The following ZC3H12D variants were observed in gnomAD, a reference collection of about 807,000 sequenced individuals.
ZC3H12D encodes zinc finger CCCH-type containing 12D.
In ZC3H12D, 11 loss-of-function variants were observed where a neutral mutation model predicts 24.2. That is an observed-to-expected ratio of 0.46 (90% CI 0.29 to 0.75). The LOEUF is 0.75. ZC3H12D is among the 30% of genes least tolerant of loss of function. ZC3H12D has a pLI of 0.11. For missense variants in ZC3H12D, 740 were observed against 767.7 expected (o/e 0.96, Z 0.43); for synonymous variants, 333 against 341.8 (o/e 0.97, Z 0.28).
intron 4 of ZC3H12D, among the ~76,000 whole-genome samples, chr6:149,453,426 A>G (rs534398704): frequency 1.3e-5 from 2 of 152,308 alleles, no homozygotes; most frequent in South Asian, 2.1e-4. Flanking sequence ...GGAGTTCACA[A>G]CCAACCTGGG....
chr6:149,460,329 C>T (rs1230970638), intron 3 of ZC3H12D, among the ~76,000 whole-genome samples: 2 of 149,570 alleles, frequency 1.3e-5, no homozygotes, highest in East Asian at 1.9e-4. Context: ...CACTTCTGCT[C>T]CCAAGTACTT....
chr6:149,477,841 G>A lies in ZC3H12D; in HGVS notation c.-70-3228C>T, dbSNP rs368033472. 3.9e-5 allele frequency among the ~76,000 whole-genome samples: 6 copies of A among 152,174 alleles called. No individual in the cohort carries two copies. The East Asian group carries it at 5.8e-4, about 15-fold the overall frequency. On this transcript the variant is annotated intron_variant, in intron 1 of 5. Coordinates refer to ENST00000409806, the MANE Select transcript of ZC3H12D (RefSeq NM_207360.3). ...AGGTGTGGTCTAGGGAAGCCCGGGGGACTCCAAGATTTTTTCAGGGCATCT... is the reference window on the plus strand; with the variant it reads ...AGGTGTGGTCTAGGGAAGCCCGGGGAACTCCAAGATTTTTTCAGGGCATCT...
intron 3 of ZC3H12D, among the ~76,000 whole-genome samples, chr6:149,461,406 A>G (rs972668766): frequency 3.4e-4 from 51 of 152,216 alleles, no homozygotes; most frequent in Non-Finnish European, 1.2e-4. Flanking sequence ...TTAAATAAAG[A>G]GATTAGATGA....
chr6:149,474,787 G>A (rs1302947867), intron 1 of ZC3H12D, among the ~76,000 whole-genome samples, 174 bp from the exon 2 acceptor site: 2 of 152,204 alleles, frequency 1.3e-5, no homozygotes, highest in African/African-American at 2.4e-5. Context: ...AAGCAATCAC[G>A]CTGCTTTCAC....
At position 149,456,635 on chromosome 6, in the gene ZC3H12D, C is replaced by CCCCCCGGGGT; in HGVS notation, c.680+30_680+31insACCCCGGGGG. ...ACCCCGGCCCCCCGCCCCGCCGCCC[C>CCCCCCGGGGT]CCAGGGTGTCAGGACCCCAGCCGGA... On this transcript the variant is annotated intron_variant, in intron 4 of 5. Transcript: ENST00000409806. This position sits in a 1 kb window ranked among gnomAD's most constrained non-coding sequence, Gnocchi z 4.3. 6.4e-7 allele frequency: 1 copy of CCCCCCGGGGT among 1,561,540 alleles called. No individual in the cohort carries two copies. Among genetic ancestry groups the CCCCCCGGGGT allele is most frequent in the Non-Finnish European group, 8.8e-7 (1 of 1,135,806 alleles).
chr6:149,465,441 A>G (rs1776139161), intron 2 of ZC3H12D, among the ~76,000 whole-genome samples: 1 of 151,822 alleles, frequency 6.6e-6, no homozygotes, highest in African/African-American at 2.4e-5. Flanking sequence ...GAAAATATCA[A>G]CAGGGATATC....
At chr6:149,475,322 T>C (rs1234528490) in intron 1 of ZC3H12D, among the ~76,000 whole-genome samples, 3 of 152,176 alleles carry the variant, frequency 2.0e-5, no homozygotes, top group East Asian at 3.9e-4. Context: ...CCCGGGCGAA[T>C]TCTACTCCCA....
chr6:149,478,242 G>A (rs927586055), intron 1 of ZC3H12D, among the ~76,000 whole-genome samples: 4 of 151,668 alleles, frequency 2.6e-5, no homozygotes, highest in African/African-American at 7.3e-5. Flanking sequence ...ATCCTCTCCT[G>A]AGTGTACGAC....
Position 149,452,540 on chromosome 6 carries a change from G to A in ZC3H12D, c.787+76C>T, listed in dbSNP as rs987537952. 11 of 1,239,774 alleles carry A rather than the reference G, an allele frequency of 8.9e-6. No individual in the cohort carries two copies. The Admixed American group carries it at 2.6e-4, about 29-fold the overall frequency. The allele number at this position is 1,239,774 out of a possible 1,614,324, so 76.8% of individuals were successfully genotyped here. A position where few individuals can be genotyped will look rare whatever the true frequency, so the allele number is the denominator to read the frequency against. Reference sequence around the variant, plus strand: ...CCAGGCCGCTGAGCACCAGGCCAGCGCTTTTTGACTGTGCTCCTGTACTGC... The same window carrying A: ...CCAGGCCGCTGAGCACCAGGCCAGCACTTTTTGACTGTGCTCCTGTACTGC... On this transcript the variant is annotated intron_variant, in intron 5 of 5. Transcript: ENST00000409806. This position sits in a 1 kb window ranked among gnomAD's most constrained non-coding sequence, Gnocchi z 4.0.
rs746396064 is a variant in ZC3H12D at position 149,461,842 on chromosome 6, G to T, written c.434C>A (p.Thr145Asn). ...CTGCTCCAGCATACCTCTGATAGGG[G>T]TGTCAGCTCTTGGTGGGTCCTTCCT... Reference protein sequence around the residue: ...SWRKDPPRADTPIREQHVLAE... With the variant: ...SWRKDPPRADNPIREQHVLAE... Residue 145 changes from threonine to asparagine, a missense_variant, in exon 3 of 6, where the codon ACC becomes AAC. By Grantham distance (65) the Thr-to-Asn change is moderately conservative. Coordinates refer to ENST00000409806, the MANE Select transcript of ZC3H12D (RefSeq NM_207360.3). The T allele has an allele frequency of 2.6e-6, 4 of 1,561,822 alleles. No homozygotes were observed. The highest frequency in any genetic ancestry group is 2.4e-5 in the East Asian group (1 of 41,932).
At chr6:149,482,563 G>A (rs1470293256) in intron 1 of ZC3H12D, among the ~76,000 whole-genome samples, 1 of 152,288 alleles carries the variant, frequency 6.6e-6, no homozygotes, top group African/African-American at 2.4e-5. Flanking sequence ...GCCTGGAAGA[G>A]CAGGGAGGAA....
Position 149,474,530 on chromosome 6 carries a change from C to T in ZC3H12D, c.14G>A (p.Ser5Asn). 6.5e-7 allele frequency: 1 copy of T among 1,528,386 alleles called. No homozygotes were observed. The highest frequency in any genetic ancestry group is 2.3e-5 in the East Asian group (1 of 43,172). 94.7% of individuals were successfully genotyped at this position (1,528,386 alleles called of 1,614,324 possible). The change falls in exon 2 of 6, where the codon AGC becomes AAC. Residue 5 changes from serine to asparagine, a missense_variant. Coordinates refer to ENST00000409806, the MANE Select transcript of ZC3H12D (RefSeq NM_207360.3). MEHP[S>N]KMEFFQKLGY... ...CAGCTTCTGGAAGAATTCCATCTTG[C>T]TGGGGTGCTCCATGCTGTGCCCAGC...
Position 149,450,543 on chromosome 6 carries a change from G to T in ZC3H12D, c.*140C>A. On this transcript the variant is annotated 3_prime_UTR_variant, in exon 6 of 6. Transcript: ENST00000409806. ...CCCCCACAACCCCGCTCAGGAGGAG[G>T]AAGCAGGCTTCCCTGACCATCTTTA... 1 of 914,426 alleles carries T rather than the reference G, an allele frequency of 1.1e-6. No homozygotes were observed. The highest frequency in any genetic ancestry group is 1.6e-6 in the Non-Finnish European group (1 of 636,236). The allele number at this position is 914,426 out of a possible 1,614,324, so 56.6% of individuals were successfully genotyped here. A position where few individuals can be genotyped will look rare whatever the true frequency, so the allele number is the denominator to read the frequency against.
At chr6:149,453,599 TC>T (rs5880842) in intron 4 of ZC3H12D, among the ~76,000 whole-genome samples, 25,040 of 151,950 alleles carry the variant, frequency 0.16, 3,369 homozygotes, top group East Asian at 0.72. Context: ...CTGCACTCCA[TC>T]CTGGATGACA....
Position 149,450,972 on chromosome 6 carries a change from G to T in ZC3H12D, c.1295C>A (p.Pro432Gln). The T allele has an allele frequency of 6.6e-7, 1 of 1,520,178 alleles. No individual in the cohort carries two copies. The allele number at this position is 1,520,178 out of a possible 1,614,324, so 94.2% of individuals were successfully genotyped here. Residue 432 changes from proline to glutamine, a missense_variant, in exon 6 of 6, where the codon CCA (proline) becomes CAA (glutamine). Pro to Gln is a moderately conservative substitution (Grantham distance 76). Transcript: ENST00000409806. The stretch of plus-strand genomic sequence containing the variant: ...TGGACGGGCCCACGGGTCGTCGGGT[G>T]GCCTGCGCGGGGAAAGCAAGTCGCC... ...LHGDLLSPRR[P>Q]PDDPWARPPR...
chr6:149,477,840 G>A (rs769646576), intron 1 of ZC3H12D, among the ~76,000 whole-genome samples: 8 of 152,130 alleles, frequency 5.3e-5, no homozygotes, highest in Non-Finnish European at 1.2e-4. Context: ...GAAGCCCGGG[G>A]GACTCCAAGA....
chr6:149,459,740 C>T lies in ZC3H12D; in HGVS notation c.445+2091G>A. 3 of 716,684 alleles carry T rather than the reference C, an allele frequency of 4.2e-6. No individual in the cohort carries two copies. The South Asian group carries it at 4.4e-5, about 11-fold the overall frequency. The allele number at this position is 716,684 out of a possible 1,614,324, so 44.4% of individuals were successfully genotyped here. A position where few individuals can be genotyped will look rare whatever the true frequency, so the allele number is the denominator to read the frequency against. On this transcript the variant is annotated intron_variant, in intron 3 of 5. Coordinates refer to ENST00000409806, the MANE Select transcript of ZC3H12D (RefSeq NM_207360.3). The stretch of plus-strand genomic sequence containing the variant: ...AGCCTCCCATTGTGGCTGTTGACCT[C>T]CTAGAATAAAACCATCATCATTCTG...
chr6:149,461,297 T>C (rs1318928613), intron 3 of ZC3H12D, among the ~76,000 whole-genome samples: 2 of 149,726 alleles, frequency 1.3e-5, no homozygotes, highest in Non-Finnish European at 2.9e-5. Context: ...GCCGAGATCA[T>C]GCCACTGCAC....
intron 4 of ZC3H12D, among the ~76,000 whole-genome samples, chr6:149,455,405 C>T (rs1006118578): frequency 3.3e-5 from 5 of 152,194 alleles, no homozygotes; most frequent in African/African-American, 1.2e-4. Flanking sequence ...TCTAAAACCA[C>T]GTTCCAAAAA....
Sources: gnomAD v4.1 joint callset for allele counts (sites outside exome capture counted in the v4.1 genomes callset) on GRCh38, gnomAD v4.1.1 for gene constraint, Gnocchi (gnomAD v3.1) non-coding constraint, MANE v1.5 for transcripts, NCBI Gene and HGNC (gene_info 2026-07-23, HGNC 2026-07-21) for gene names.